DPF3: variants seen among roughly 807,000 people sequenced by gnomAD.
DPF3 encodes double PHD fingers 3.
In DPF3, 18 loss-of-function variants were observed where a neutral mutation model predicts 56.8. The observed-to-expected ratio is 0.32, with a 90% confidence interval of 0.22 to 0.47. The LOEUF (loss-of-function observed/expected upper bound fraction) is 0.47. Ranked by LOEUF, DPF3 falls within the 20% of genes least tolerant of loss-of-function variation. The probability of loss-of-function intolerance (pLI) is 1.00; values close to 1 mark genes in which losing one functional copy is unlikely to be tolerated. For synonymous variants in DPF3, 188 were observed against 180.2 expected (o/e 1.04, Z -0.35); for missense variants, 403 against 488.8 (o/e 0.82, Z 1.65).
In DPF3 at chr14:72,821,233, G is replaced by A. The variant is rs191874343; in HGVS notation, c.33-49340C>T. 7.9e-5 allele frequency among the ~76,000 whole-genome samples: 12 copies of A among 152,146 alleles called. No individual in the cohort carries two copies. In the East Asian group the frequency reaches 2.1e-3, roughly 27 times the overall value. ...TGGGAGGCAGAGTCTGCAGTGAGCTGAGGTCACACTACTGCACTCCAGCTT... is the reference window on the plus strand; with the variant it reads ...TGGGAGGCAGAGTCTGCAGTGAGCTAAGGTCACACTACTGCACTCCAGCTT... On this transcript the variant is annotated intron_variant, in intron 1 of 10. Coordinates refer to ENST00000556509, the MANE Select transcript of DPF3 (RefSeq NM_001280542.3).
At chr14:72,668,193 C>T (rs1886518173) in intron 8 of DPF3, among the ~76,000 whole-genome samples, 1 of 152,184 alleles carries the variant, frequency 6.6e-6, no homozygotes, top group Admixed American at 6.5e-5. Context: ...TCATCCGACA[C>T]CTTCTCTCTC....
intron 1 of DPF3, among the ~76,000 whole-genome samples, chr14:72,881,524 A>G (rs1285267444): frequency 1.3e-5 from 2 of 152,172 alleles, no homozygotes; most frequent in Non-Finnish European, 2.9e-5. Context: ...CCTTCCCTTG[A>G]AAGGTCTTGG....
Position 72,810,182 on chromosome 14 carries a change from C to T in DPF3, c.33-38289G>A, listed in dbSNP as rs149400158. Among the ~76,000 whole-genome samples the T allele has an allele frequency of 2.6e-5, 4 of 152,322 alleles. No homozygotes were observed. In the East Asian group the frequency reaches 7.7e-4, roughly 29 times the overall value. ...CTCAGATACAGAGGGCAGCGGAGTG[C>T]TGAGACACCTCCGTGCCCTCCCACA... On this transcript the variant is annotated intron_variant, in intron 1 of 10. Coordinates refer to ENST00000556509, the MANE Select transcript of DPF3 (RefSeq NM_001280542.3).
chr14:72,880,529 G>A (rs946113628), intron 1 of DPF3, among the ~76,000 whole-genome samples: 4 of 152,140 alleles, frequency 2.6e-5, no homozygotes, highest in African/African-American at 9.7e-5. Context: ...GCAGCCAAAG[G>A]TAGGCTGAGA....
At chr14:72,892,958 AGG>A (rs1567273690) in intron 1 of DPF3, among the ~76,000 whole-genome samples, 3 of 33,270 alleles carry the variant, frequency 9.0e-5, no homozygotes, top group Non-Finnish European at 1.5e-4. Flanking sequence ...GAAGGAAGGA[AGG>A]AAGGAAGGAA....
intron 1 of DPF3, among the ~76,000 whole-genome samples, chr14:72,816,519 C>T (rs373880323): frequency 1.3e-5 from 2 of 152,028 alleles, no homozygotes; most frequent in Admixed American, 6.6e-5. Flanking sequence ...CCAGAAGAGC[C>T]TATTGACTCA....
chr14:72,865,432 G>C (rs755003524), intron 1 of DPF3, among the ~76,000 whole-genome samples: 11 of 152,232 alleles, frequency 7.2e-5, no homozygotes, highest in Non-Finnish European at 1.5e-4. Context: ...CTGAAGAAGT[G>C]GCTTTTGCCA....
chr14:72,713,069 T>C (rs1012733895), intron 6 of DPF3, among the ~76,000 whole-genome samples: 4 of 152,212 alleles, frequency 2.6e-5, no homozygotes, highest in African/African-American at 9.6e-5. Context: ...GGGGCTTCTA[T>C]GTATCAGAGT....
At chr14:72,846,864 AC>A (rs1408989502) in intron 1 of DPF3, among the ~76,000 whole-genome samples, 1 of 152,188 alleles carries the variant, frequency 6.6e-6, no homozygotes, top group African/African-American at 2.4e-5. Flanking sequence ...GCTGAGGAGG[AC>A]CTTGGAACAT....
At chr14:72,836,057 A>G (rs999170446) in intron 1 of DPF3, 12 of 985,324 alleles carry the variant, frequency 1.2e-5, no homozygotes, top group Non-Finnish European at 1.3e-5. Flanking sequence ...TGGAGACACA[A>G]GTGGCTTTGA....
chr14:72,679,334 T>A (rs1887054580), intron 7 of DPF3: 1 of 152,344 alleles, frequency 6.6e-6, no homozygotes, highest in African/African-American at 2.4e-5. Context: ...AAGTTCAGGC[T>A]CCTCCTTGGC....
chr14:72,744,903 G>C (rs1445745393), intron 3 of DPF3, among the ~76,000 whole-genome samples: 1 of 152,166 alleles, frequency 6.6e-6, no homozygotes, highest in Non-Finnish European at 1.5e-5. Flanking sequence ...TCAGTCTCTT[G>C]AAGAGCAGGC....
At chr14:72,667,462 C>T (rs1886489270) in intron 8 of DPF3, among the ~76,000 whole-genome samples, 1 of 152,208 alleles carries the variant, frequency 6.6e-6, no homozygotes, top group Admixed American at 6.5e-5. Context: ...TGGTACTTTA[C>T]TGAGCTGAGG....
At chr14:72,739,682 C>T (rs746431129) in intron 3 of DPF3, among the ~76,000 whole-genome samples, 1 of 152,166 alleles carries the variant, frequency 6.6e-6, no homozygotes, top group Non-Finnish European at 1.5e-5. Context: ...GGAAAGCAGA[C>T]GCTGGTGCTG....
At position 72,822,669 on chromosome 14, in the gene DPF3, A is replaced by T. The variant is rs61392529; in HGVS notation, c.33-50776T>A. On this transcript the variant is annotated intron_variant, in intron 1 of 10. Transcript: ENST00000556509. ...GTAGTGTTTAAATTTTTTACCATAT[A>T]CAGGTTTTTCTTTTTCAAAAAAACA... Among the ~76,000 whole-genome samples, 230 of 152,302 alleles carry T rather than the reference A, an allele frequency of 1.5e-3. 1 individual carries two copies. The highest frequency in any genetic ancestry group is 5.5e-3 in the African/African-American group (228 of 41,562).
At chr14:72,805,936 A>T (rs1415861830) in intron 1 of DPF3, 1 of 151,718 alleles carries the variant, frequency 6.6e-6, no homozygotes, top group African/African-American at 2.4e-5. Flanking sequence ...TCTAATGGGG[A>T]CCTTCCTCTT....
chr14:72,757,783 C>A (rs981992883), intron 2 of DPF3, among the ~76,000 whole-genome samples: 2 of 152,044 alleles, frequency 1.3e-5, no homozygotes, highest in African/African-American at 4.8e-5. Context: ...GACTTGAGTA[C>A]CCACAGATTT....
intron 1 of DPF3, among the ~76,000 whole-genome samples, chr14:72,790,596 C>T (rs1004811154): frequency 1.3e-5 from 2 of 152,150 alleles, no homozygotes; most frequent in African/African-American, 4.8e-5. Context: ...CTTTATCATT[C>T]TCATGTTACA....
At chr14:72,689,168 C>T (rs1031976273) in intron 7 of DPF3, among the ~76,000 whole-genome samples, 4 of 152,110 alleles carry the variant, frequency 2.6e-5, no homozygotes, top group Non-Finnish European at 4.4e-5. Flanking sequence ...CAGCACCAGG[C>T]GCGGGATGAG....
Sources: gnomAD v4.1 joint callset for allele counts (sites outside exome capture counted in the v4.1 genomes callset) on GRCh38, gnomAD v4.1.1 for gene constraint, MANE v1.5 for transcripts, NCBI Gene and HGNC (gene_info 2026-07-23, HGNC 2026-07-21) for gene names.